DNMBP: variants seen among roughly 807,000 people sequenced by gnomAD.
The protein encoded by DNMBP is dynamin binding protein.
DNMBP carries 87 observed loss-of-function variants against 150.0 expected under a neutral mutation model. The ratio of observed to expected loss-of-function variants is 0.58; its 90% CI spans 0.49 to 0.69. DNMBP has a LOEUF of 0.69. Ranked by LOEUF, DNMBP falls within the 30% of genes least tolerant of loss-of-function variation. The pLI, the probability that DNMBP is intolerant of heterozygous loss-of-function variation, is 0.00. For missense variants in DNMBP, 1,774 were observed against 1,949.0 expected, an observed-to-expected ratio of 0.91 and a Z score of 1.69; for synonymous variants, 711 against 750.4, an observed-to-expected ratio of 0.95 and a Z score of 0.86.
chr10:99,926,754 T>C (rs948253248), intron 4 of DNMBP, among the ~76,000 whole-genome samples: 3 of 152,022 alleles, frequency 2.0e-5, no homozygotes, highest in African/African-American at 7.2e-5. Context: ...CAACTGTGCA[T>C]GCAGGTGATG....
In DNMBP at chr10:99,884,278, A is replaced by T. The variant is rs896461478; in HGVS notation, c.3799-69T>A. Reference sequence around the variant, plus strand: ...CCCAGCAGCCATATTTCATCCCAACATGTGGCCAGTCTCAGAAATGAGGCA... The same window carrying T: ...CCCAGCAGCCATATTTCATCCCAACTTGTGGCCAGTCTCAGAAATGAGGCA... On this transcript the variant is annotated intron_variant, in intron 14 of 16. Transcript: ENST00000324109. 1.8e-5 allele frequency: 25 copies of T among 1,377,168 alleles called. No individual in the cohort carries two copies. The African/African-American group carries it at 3.6e-4, about 20-fold the overall frequency. The allele number at this position is 1,377,168 out of a possible 1,614,324, so 85.3% of individuals were successfully genotyped here. A position where few individuals can be genotyped will look rare whatever the true frequency, so the allele number is the denominator to read the frequency against.
chr10:99,889,636 C>T (rs2039526647), intron 11 of DNMBP: 1 of 152,254 alleles, frequency 6.6e-6, no homozygotes, highest in African/African-American at 2.4e-5. Context: ...GTTGGTTTTC[C>T]AGGCTTTCTT....
chr10:99,887,690 C>A (rs1302511641), intron 12 of DNMBP, among the ~76,000 whole-genome samples: 1 of 152,120 alleles, frequency 6.6e-6, no homozygotes, highest in Non-Finnish European at 1.5e-5. Context: ...CCCAGGTGGG[C>A]ATGTCTTTTT....
intron 1 of DNMBP, among the ~76,000 whole-genome samples, chr10:100,004,161 C>T (rs955834950): frequency 6.6e-6 from 1 of 150,888 alleles, no homozygotes; most frequent in Non-Finnish European, 1.5e-5. Context: ...GGGAGGATCA[C>T]TTGAGCCTGG....
intron 1 of DNMBP, among the ~76,000 whole-genome samples, chr10:100,004,003 A>G (rs2041042255): frequency 6.6e-6 from 1 of 151,790 alleles, no homozygotes; most frequent in Non-Finnish European, 1.5e-5. Context: ...AGGCCAAGGC[A>G]GGAAGATTGC....
chr10:99,882,187 G>A (rs1174715453), intron 15 of DNMBP, among the ~76,000 whole-genome samples: 1 of 152,172 alleles, frequency 6.6e-6, no homozygotes, highest in East Asian at 1.9e-4. Flanking sequence ...GAGGTTGAGA[G>A]TAGAATGCTA....
At chr10:99,937,163 G>A (rs1184810811) in intron 4 of DNMBP, among the ~76,000 whole-genome samples, 4 of 152,060 alleles carry the variant, frequency 2.6e-5, no homozygotes, top group Admixed American at 1.3e-4. Flanking sequence ...CAAGTGATCC[G>A]CCCACCTTGG....
At chr10:99,933,972 A>C (rs542614796) in intron 4 of DNMBP, among the ~76,000 whole-genome samples, 1 of 151,950 alleles carries the variant, frequency 6.6e-6, no homozygotes. Flanking sequence ...TCCTGACCTC[A>C]TGATCCCCCT....
intron 1 of DNMBP, among the ~76,000 whole-genome samples, chr10:99,997,395 G>A (rs2040961284): frequency 6.6e-6 from 1 of 152,132 alleles, no homozygotes; most frequent in Non-Finnish European, 1.5e-5. Context: ...CCTGACACCT[G>A]GAACATTTTG....
intron 1 of DNMBP, among the ~76,000 whole-genome samples, chr10:99,981,985 G>A (rs542616170): frequency 2.6e-5 from 4 of 152,250 alleles, no homozygotes; most frequent in East Asian, 3.9e-4. Flanking sequence ...CCAGCTAGCC[G>A]TGACATATGG....
intron 1 of DNMBP, among the ~76,000 whole-genome samples, chr10:99,994,116 T>C (rs2133380609): frequency 6.6e-6 from 1 of 152,318 alleles, no homozygotes; most frequent in East Asian, 1.9e-4. Flanking sequence ...TATTAAGTAA[T>C]AACTACATAA....
chr10:99,886,315 T>C lies in DNMBP; in HGVS notation c.3603A>G (p.Leu1201=), dbSNP rs776464709. The change falls in exon 13 of 17, where the codon TTA becomes TTG. Residue 1201 remains leucine (L), a synonymous_variant. Coordinates refer to ENST00000324109, the MANE Select transcript of DNMBP (RefSeq NM_015221.4). ...CDFVHQALEQ[L]KPLLSLLKVA... Reference sequence around the variant, plus strand: ...AGAAACTCACCGAAAGCAGTGGCTTTAATTGCTCCAGAGCCTGGTGCACAA... The same window carrying C: ...AGAAACTCACCGAAAGCAGTGGCTTCAATTGCTCCAGAGCCTGGTGCACAA... 3.1e-5 allele frequency: 50 copies of C among 1,612,374 alleles called. No homozygotes were observed. In the Admixed American group the frequency reaches 8.3e-4, roughly 27 times the overall value.
chr10:99,952,326 G>C (rs2040433430), intron 4 of DNMBP, among the ~76,000 whole-genome samples: 1 of 152,202 alleles, frequency 6.6e-6, no homozygotes, highest in African/African-American at 2.4e-5. Flanking sequence ...GAAACTTGTA[G>C]GTATAGAAAG....
chr10:99,895,176 G>A (rs1296758666), intron 10 of DNMBP, 126 bp from the exon 11 acceptor site: 1 of 603,462 alleles, frequency 1.7e-6, no homozygotes, highest in Non-Finnish European at 2.9e-6. Context: ...GTCCAGGTTG[G>A]AGTGCAATGG....
intron 4 of DNMBP, among the ~76,000 whole-genome samples, chr10:99,941,409 C>T (rs1837212533): frequency 6.6e-6 from 1 of 151,932 alleles, no homozygotes; most frequent in Non-Finnish European, 1.5e-5. Context: ...ACTTGCAACT[C>T]TAATCCTTCC....
intron 1 of DNMBP, among the ~76,000 whole-genome samples, chr10:100,001,442 C>T (rs1457523850): frequency 7.9e-6 from 1 of 126,910 alleles, no homozygotes; most frequent in Non-Finnish European, 1.6e-5. Context: ...GACAGGGTCT[C>T]ACTCTGTTGC....
At chr10:99,947,680 TA>T (rs2040373320) in intron 4 of DNMBP, among the ~76,000 whole-genome samples, 2 of 152,172 alleles carry the variant, frequency 1.3e-5, no homozygotes, top group Admixed American at 6.5e-5. Context: ...TTACACAATA[TA>T]CCCTTGTAAC....
intron 1 of DNMBP, among the ~76,000 whole-genome samples, chr10:99,994,956 C>T (rs2040935833): frequency 6.6e-6 from 1 of 152,022 alleles, no homozygotes; most frequent in Non-Finnish European, 1.5e-5. Context: ...CAGGGTCTTG[C>T]TATGTTGCCC....
intron 4 of DNMBP, among the ~76,000 whole-genome samples, chr10:99,924,489 C>T (rs1013439176): frequency 3.3e-5 from 5 of 152,150 alleles, no homozygotes; most frequent in African/African-American, 1.2e-4. Flanking sequence ...AAAACCTGGT[C>T]TACCTTCCAA....
Sources: gnomAD v4.1 joint callset for allele counts (sites outside exome capture counted in the v4.1 genomes callset) on GRCh38, gnomAD v4.1.1 for gene constraint, MANE v1.5 for transcripts, NCBI Gene and HGNC (gene_info 2026-07-23, HGNC 2026-07-21) for gene names.